PCNX1: variants seen among roughly 807,000 people sequenced by gnomAD.
PCNX1 encodes the protein pecanex-like protein 1.
In PCNX1, 78 loss-of-function variants were observed where a neutral mutation model predicts 242.2. That is an observed-to-expected ratio of 0.32 (90% CI 0.27 to 0.39). PCNX1 has a LOEUF of 0.39. PCNX1 is among the 10% of genes least tolerant of loss of function. The probability of loss-of-function intolerance (pLI) is 1.00; values close to 1 mark genes in which losing one functional copy is unlikely to be tolerated. For missense variants in PCNX1, 2,581 were observed against 2,856.5 expected, an observed-to-expected ratio of 0.90 and a Z score of 2.20; for synonymous variants, 1,024 against 1,032.9, an observed-to-expected ratio of 0.99 and a Z score of 0.17.
chr14:70,927,847 C>A (rs1440545788), intron 1 of PCNX1, among the ~76,000 whole-genome samples: 1 of 152,124 alleles, frequency 6.6e-6, no homozygotes, highest in East Asian at 1.9e-4. Flanking sequence ...CTTGGCCTCC[C>A]AAAGTGCTGG....
At chr14:71,032,978 A>G (rs2060431361) in intron 16 of PCNX1, among the ~76,000 whole-genome samples, 1 of 152,236 alleles carries the variant, frequency 6.6e-6, no homozygotes, top group Non-Finnish European at 1.5e-5. Context: ...TCAAGAAAGT[A>G]ACACACCAAA....
In PCNX1 at chr14:70,956,483, C is replaced by T. The variant is rs534516236; in HGVS notation, c.363-5743C>T. ...CGGAGGTGGGAGGATCACTTGAGCC[C>T]AGGAGTTTGAGGCTGCAGTGAGCTA... On this transcript the variant is annotated intron_variant, in intron 2 of 35. Transcript: ENST00000304743. Among the ~76,000 whole-genome samples, 4 of 152,186 alleles carry T rather than the reference C, an allele frequency of 2.6e-5. No individual in the cohort carries two copies. The East Asian group carries it at 5.8e-4, about 22-fold the overall frequency.
At chr14:71,011,588 A>G in intron 10 of PCNX1, 39 bp downstream of exon 10, 5 of 1,135,304 alleles carry the variant, frequency 4.4e-6, no homozygotes, top group South Asian at 2.6e-5. Context: ...ATAAATTTTC[A>G]GATTAAATCT....
chr14:71,019,438 T>A (rs1396798502), intron 12 of PCNX1, among the ~76,000 whole-genome samples: 3 of 152,234 alleles, frequency 2.0e-5, no homozygotes, highest in African/African-American at 7.2e-5. Context: ...AGTATTGCTC[T>A]GTTGCCCAGG....
intron 2 of PCNX1, among the ~76,000 whole-genome samples, chr14:70,958,577 T>C (rs933763416): frequency 2.6e-5 from 4 of 152,168 alleles, no homozygotes; most frequent in Non-Finnish European, 5.9e-5. Context: ...TCTGTTCTTT[T>C]CTATTATTTT....
At chr14:71,011,703 G>A (rs2059825870) in intron 10 of PCNX1, 154 bp downstream of exon 10, 4 of 591,330 alleles carry the variant, frequency 6.8e-6, no homozygotes, top group Non-Finnish European at 1.2e-5. Context: ...CCCTCCAGTG[G>A]CTCTCTTTTT....
At chr14:70,987,242 A>G (rs1385879982) in intron 6 of PCNX1, among the ~76,000 whole-genome samples, 1 of 152,222 alleles carries the variant, frequency 6.6e-6, no homozygotes, top group Admixed American at 6.5e-5. Flanking sequence ...GTTCAATATA[A>G]CTTTGTGTGA....
At chr14:71,071,097 C>T (rs556967519) in intron 26 of PCNX1, among the ~76,000 whole-genome samples, 8 of 152,188 alleles carry the variant, frequency 5.3e-5, no homozygotes, top group Non-Finnish European at 8.8e-5. Flanking sequence ...CTACTAGCTT[C>T]CAACTTTTCT....
At chr14:71,017,952 T>G (rs1486305510) in intron 11 of PCNX1, among the ~76,000 whole-genome samples, 1 of 152,210 alleles carries the variant, frequency 6.6e-6, no homozygotes, top group Admixed American at 6.5e-5. Flanking sequence ...ATTTGTTAAG[T>G]TTATGATTAT....
intron 8 of PCNX1, among the ~76,000 whole-genome samples, chr14:71,002,448 G>A (rs181610586): frequency 1.6e-4 from 24 of 152,194 alleles, no homozygotes; most frequent in African/African-American, 5.1e-4. Context: ...GTGTATACCC[G>A]TCAGATACCT....
chr14:71,004,089 T>C (rs1188414107), intron 8 of PCNX1, among the ~76,000 whole-genome samples: 4 of 152,204 alleles, frequency 2.6e-5, no homozygotes, highest in Non-Finnish European at 5.9e-5. Flanking sequence ...CTACCTGTTT[T>C]TGTAAATAAA....
chr14:71,068,597 T>TGTGTGTGTGTGTGC, intron 26 of PCNX1, among the ~76,000 whole-genome samples: 1 of 142,638 alleles, frequency 7.0e-6, no homozygotes, highest in Admixed American at 7.4e-5. Context: ...CGTGCGTGTG[T>TGTGTGTGTGTGTGC]GTGTGTGTGT....
At chr14:71,106,688 T>C (rs1305367576) in intron 33 of PCNX1, among the ~76,000 whole-genome samples, 4 of 152,158 alleles carry the variant, frequency 2.6e-5, no homozygotes, top group Non-Finnish European at 5.9e-5. Context: ...TTTATTCTTT[T>C]AATTTGCATT....
chr14:70,982,208 T>G (rs967660467), intron 6 of PCNX1, among the ~76,000 whole-genome samples: 5 of 152,178 alleles, frequency 3.3e-5, no homozygotes, highest in African/African-American at 7.2e-5. Flanking sequence ...AAAATGCAAA[T>G]TGTAGCTTTT....
intron 1 of PCNX1, among the ~76,000 whole-genome samples, chr14:70,914,224 T>G (rs981389797): frequency 1.3e-5 from 2 of 152,134 alleles, no homozygotes; most frequent in Non-Finnish European, 2.9e-5. Context: ...AGCTATACAT[T>G]GGCTACTGTG....
chr14:71,114,653 G>GACTT lies in PCNX1; in HGVS notation c.*4720_*4723dup, dbSNP rs1233537117. 1 of 152,002 alleles carries GACTT rather than the reference G, an allele frequency of 6.6e-6. No homozygotes were observed. Among genetic ancestry groups the GACTT allele is most frequent in the East Asian group, 1.9e-4 (1 of 5,144 alleles). The allele number at this position is 152,002 out of a possible 1,614,324, so 9.4% of individuals were successfully genotyped here. On this transcript the variant is annotated 3_prime_UTR_variant, in exon 36 of 36. Transcript: ENST00000304743. ...AGGTTATATGACAACTCTGTTCTAA[G>GACTT]ACTTATACCTATTATATAGGGTTAT... is the stretch of plus-strand genomic sequence containing the variant.
chr14:70,983,530 C>T (rs1375662779), intron 6 of PCNX1, among the ~76,000 whole-genome samples: 1 of 152,142 alleles, frequency 6.6e-6, no homozygotes, highest in African/African-American at 2.4e-5. Context: ...GTCTCGAACT[C>T]CTGACCTTGT....
chr14:71,076,461 TC>T, intron 28 of PCNX1, 42 bp downstream of exon 28: 19 of 1,313,088 alleles, frequency 1.4e-5, no homozygotes, highest in Non-Finnish European at 2.1e-5. Context: ...TCCAGGTTTT[TC>T]CAAAGATGCA....
In PCNX1 at chr14:70,982,828, C is replaced by G. The variant is rs1262536195; in HGVS notation, c.2311+4180C>G. Among the ~76,000 whole-genome samples, 4 of 152,154 alleles carry G rather than the reference C, an allele frequency of 2.6e-5. No homozygotes were observed. The South Asian group carries it at 6.2e-4, about 24-fold the overall frequency. On this transcript the variant is annotated intron_variant, in intron 6 of 35. Transcript: ENST00000304743. ...GGAATCCAACGGTTACATTTTCATA[C>G]CACCTCTAATTACTGTCTTAATATT...
Sources: allele counts gnomAD v4.1 joint callset (sites outside exome capture counted in the v4.1 genomes callset), GRCh38; gene constraint gnomAD v4.1.1; transcripts MANE v1.5; gene names NCBI Gene and HGNC (gene_info 2026-07-23, HGNC 2026-07-21).